GLB1L3: variants seen among roughly 807,000 people sequenced by gnomAD.
GLB1L3 encodes galactosidase beta 1 like 3, also known as beta-galactosidase-1-like protein 3.
A neutral mutation model predicts 89.5 loss-of-function variants in GLB1L3; 89 were observed. That is an observed-to-expected ratio of 0.99 (90% CI 0.84 to 1.19). The LOEUF (loss-of-function observed/expected upper bound fraction) is 1.19, where lower values mean the gene tolerates loss of function less well. Among genes scored for constraint, GLB1L3 ranks in the 50% most tolerant of loss-of-function variants. The probability of loss-of-function intolerance (pLI) is 0.00; values close to 1 mark genes in which losing one functional copy is unlikely to be tolerated. For missense variants in GLB1L3, 812 were observed against 813.3 expected (o/e 1.00, Z 0.02); for synonymous variants, 314 against 312.3 (o/e 1.01, Z -0.06).
intron 13 of GLB1L3, chr11:134,311,822 G>A (rs148711772): frequency 6.5e-6 from 1 of 152,726 alleles, no homozygotes; most frequent in African/African-American, 2.4e-5. Flanking sequence ...CTTGAGACAG[G>A]GTCTTGCTTG....
rs1377081439 is a variant in GLB1L3 at position 134,311,187 on chromosome 11, C to T, written c.1287+17C>T. On this transcript the variant is annotated intron_variant, in intron 13 of 19. Transcript: ENST00000431683. Reference sequence around the variant, plus strand: ...TTAAATGAGGTGCGTGCTGCCTGGCCACAGGAGGCGGAGTGGCCATTGGAG... The same window carrying T: ...TTAAATGAGGTGCGTGCTGCCTGGCTACAGGAGGCGGAGTGGCCATTGGAG... The T allele has an allele frequency of 6.3e-7, 1 of 1,592,448 alleles. No individual in the cohort carries two copies. The highest frequency in any genetic ancestry group is 1.7e-5 in the Admixed American group (1 of 59,944).
intron 9 of GLB1L3, among the ~76,000 whole-genome samples, chr11:134,302,761 T>G (rs746733868): frequency 2.5e-4 from 38 of 152,328 alleles, no homozygotes; most frequent in Non-Finnish European, 4.3e-4. Flanking sequence ...AATGGTCAGT[T>G]TTGGTAAATG....
intron 18 of GLB1L3, among the ~76,000 whole-genome samples, 181 bp downstream of exon 18, chr11:134,314,622 A>G (rs1373793737): frequency 1.3e-5 from 2 of 152,222 alleles, no homozygotes; most frequent in Non-Finnish European, 2.9e-5. Flanking sequence ...TTCAGAGAAT[A>G]ACACATCAAA....
In GLB1L3 at chr11:134,276,766, G is replaced by T; in HGVS notation, c.23+3G>T. ...ATGAAGTCCCCGCCCCTCCTCAGGT[G>T]ACGGATCGCCGCTGCCGTCCCGGGC... On this transcript the variant is annotated splice_donor_region_variant and intron_variant, in intron 1 of 19. Transcript: ENST00000431683. 6.9e-7 allele frequency: 1 copy of T among 1,445,164 alleles called. No homozygotes were observed. Among genetic ancestry groups the T allele is most frequent in the Non-Finnish European group, 9.1e-7 (1 of 1,100,094 alleles). The allele number at this position is 1,445,164 out of a possible 1,614,324, so 89.5% of individuals were successfully genotyped here.
intron 14 of GLB1L3, 50 bp from the exon 15 acceptor site, chr11:134,312,763 TCTC>T: frequency 1.4e-6 from 2 of 1,466,058 alleles, no homozygotes; most frequent in South Asian, 2.4e-5. Context: ...CGGCCTCTCT[TCTC>T]CCTTTCTTCG....
chr11:134,320,738 C>CA (rs58638015), downstream of GLB1L3, among the ~76,000 whole-genome samples: 2,275 of 139,260 alleles, frequency 0.016, 32 homozygotes, highest in African/African-American at 0.04. Flanking sequence ...ACAAGAAAAA[C>CA]AAAAAAAAAA....
At chr11:134,302,560 TTTTATC>T (rs1448901544) in intron 9 of GLB1L3, among the ~76,000 whole-genome samples, 1 of 152,186 alleles carries the variant, frequency 6.6e-6, no homozygotes, top group African/African-American at 2.4e-5. Flanking sequence ...GTGGTTTTTC[TTTTATC>T]TTTAAGGTAT....
chr11:134,307,837 G>A (rs1942270406), intron 10 of GLB1L3, among the ~76,000 whole-genome samples: 1 of 152,162 alleles, frequency 6.6e-6, no homozygotes. Flanking sequence ...CATGAGGCTG[G>A]TGTGAGGATC....
chr11:134,315,804 G>T (rs2136232921), intron 18 of GLB1L3, among the ~76,000 whole-genome samples: 1 of 151,992 alleles, frequency 6.6e-6, no homozygotes, highest in Middle Eastern at 3.4e-3. Context: ...TTATTATTTT[G>T]TTTATTCAAT....
intron 9 of GLB1L3, among the ~76,000 whole-genome samples, chr11:134,298,023 T>C (rs1941748594): frequency 6.6e-6 from 1 of 152,030 alleles, no homozygotes; most frequent in South Asian, 2.1e-4. Context: ...CATTATTGTT[T>C]CTACTTCCAT....
At chr11:134,323,396 TACACAC>T (rs61583599), downstream of GLB1L3, among the ~76,000 whole-genome samples, 822 of 148,588 alleles carry the variant, frequency 5.5e-3, 1 homozygote, top group Non-Finnish European at 6.7e-3. Context: ...CACACACACG[TACACAC>T]ACACACACAC....
chr11:134,318,807 G>C, intron 19 of GLB1L3, 60 bp downstream of exon 19: 1 of 1,533,886 alleles, frequency 6.5e-7, no homozygotes, highest in Non-Finnish European at 9.0e-7. Flanking sequence ...AATGTGAGTT[G>C]CAGTGTCTTT....
In GLB1L3 at chr11:134,308,232, C is replaced by T. The variant is rs866095826; in HGVS notation, c.961+1024C>T. On this transcript the variant is annotated intron_variant, in intron 10 of 19. Transcript: ENST00000431683. Reference sequence around the variant, plus strand: ...ACCACCACCATCACCATCACCACCACCACCATCACCATCACCACCATCACC... The same window carrying T: ...ACCACCACCATCACCATCACCACCATCACCATCACCATCACCACCATCACC... Among the ~76,000 whole-genome samples the T allele has an allele frequency of 9.3e-4, 25 of 26,776 alleles. 3 individuals carry two copies. The highest frequency in any genetic ancestry group is 2.4e-3 in the African/African-American group (12 of 4,948). 17.6% of individuals were successfully genotyped at this position (26,776 alleles called of 152,430 possible).
At chr11:134,309,119 TAAGG>T (rs1163712906) in intron 10 of GLB1L3, among the ~76,000 whole-genome samples, 1 of 152,144 alleles carries the variant, frequency 6.6e-6, no homozygotes, top group Non-Finnish European at 1.5e-5. Context: ...TCAAAAAACT[TAAGG>T]AAAATTAGAT....
Position 134,311,100 on chromosome 11 carries a change from A to G in GLB1L3, c.1217A>G (p.Lys406Arg). The change falls in exon 13 of 20, where the codon AAG becomes AGG. Residue 406 changes from lysine (K) to arginine (R), a missense_variant. Lys to Arg is a conservative substitution (Grantham distance 26). Coordinates refer to ENST00000431683, the MANE Select transcript of GLB1L3 (RefSeq NM_001080407.3). Reference protein sequence around the residue: ...PLPRVPKLPPKAVYPPVRPSL... With the variant: ...PLPRVPKLPPRAVYPPVRPSL... ...CCCCGAGTACCCAAACTTCCTCCCA[A>G]GGCTGTGTATCCCCCCGTGAGACCG... 6.2e-7 allele frequency: 1 copy of G among 1,613,792 alleles called. No individual in the cohort carries two copies. Among genetic ancestry groups the G allele is most frequent in the African/African-American group, 1.3e-5 (1 of 74,976 alleles).
In GLB1L3 at chr11:134,309,615, C is replaced by T. The variant is rs754138645; in HGVS notation, c.962-11C>T. The T allele has an allele frequency of 1.1e-5, 17 of 1,573,998 alleles. No homozygotes were observed. The highest frequency in any genetic ancestry group is 1.1e-4 in the Admixed American group (6 of 57,136). On this transcript the variant is annotated splice_polypyrimidine_tract_variant and intron_variant, in intron 10 of 19. Coordinates refer to ENST00000431683, the MANE Select transcript of GLB1L3 (RefSeq NM_001080407.3). ...CTAACATTCTCTGTGTTCTCATGTT[C>T]CCCTTTGCAGAGGTTGAACATGCTG...
downstream of GLB1L3, among the ~76,000 whole-genome samples, chr11:134,323,426 A>G (rs960901242): frequency 6.9e-6 from 1 of 144,770 alleles, no homozygotes; most frequent in African/African-American, 2.6e-5. Flanking sequence ...CACACACACA[A>G]TTAGTCGGCC....
At chr11:134,308,600 T>TCCA (rs1310577775) in intron 10 of GLB1L3, among the ~76,000 whole-genome samples, 1 of 77,338 alleles carries the variant, frequency 1.3e-5, no homozygotes, top group Non-Finnish European at 2.6e-5. Context: ...CACCATCACC[T>TCCA]CCACCACCAC....
At chr11:134,297,065 T>C (rs1456718987) in intron 9 of GLB1L3, among the ~76,000 whole-genome samples, 1 of 152,062 alleles carries the variant, frequency 6.6e-6, no homozygotes, top group Non-Finnish European at 1.5e-5. Context: ...TTTACGCCTA[T>C]TAGTTTTTGC....
Sources: gnomAD v4.1 joint callset for allele counts (sites outside exome capture counted in the v4.1 genomes callset) on GRCh38, gnomAD v4.1.1 for gene constraint, MANE v1.5 for transcripts, NCBI Gene and HGNC (gene_info 2026-07-23, HGNC 2026-07-21) for gene names.